The following DNAI3 variants were observed in gnomAD, a reference collection of about 807,000 sequenced individuals.
DNAI3 encodes dynein axonemal intermediate chain 3, also known as WD repeat domain 63.
Under a neutral mutation model 115.5 loss-of-function variants are expected in DNAI3, and 83 were observed. The observed-to-expected ratio is 0.72, with a 90% confidence interval of 0.60 to 0.86. DNAI3 has a LOEUF of 0.86. Among genes scored for constraint, DNAI3 ranks in the 40% least tolerant of loss-of-function variants. The pLI, the probability that DNAI3 is intolerant of heterozygous loss-of-function variation, is 0.00. For synonymous variants in DNAI3, 320 were observed against 347.0 expected (o/e 0.92, Z 0.86); for missense variants, 1,004 against 1,075.8 (o/e 0.93, Z 0.93).
chr1:85,115,804 A>G (rs1354951259), intron 16 of DNAI3, among the ~76,000 whole-genome samples: 11 of 152,230 alleles, frequency 7.2e-5, no homozygotes, highest in South Asian at 2.1e-4. Flanking sequence ...CTTCTGTGAG[A>G]ATGTAATGCT....
At chr1:85,104,695 G>A (rs1655433280) in intron 14 of DNAI3, 98 bp downstream of exon 14, 1 of 943,616 alleles carries the variant, frequency 1.1e-6, no homozygotes, top group South Asian at 1.5e-5. Flanking sequence ...TAATATTTAT[G>A]GTAGCAATTA....
At chr1:85,069,202 G>A (rs1179590614) in intron 1 of DNAI3, among the ~76,000 whole-genome samples, 1 of 152,090 alleles carries the variant, frequency 6.6e-6, no homozygotes, top group Non-Finnish European at 1.5e-5. Flanking sequence ...AATATGCCAG[G>A]CATGATCCTT....
chr1:85,114,461 C>T (rs1333869400), intron 16 of DNAI3, among the ~76,000 whole-genome samples: 2 of 152,086 alleles, frequency 1.3e-5, no homozygotes, highest in Non-Finnish European at 2.9e-5. Context: ...CTTTTCCAAT[C>T]TGGATGATTA....
In DNAI3 at chr1:85,085,964, A is replaced by G. The variant is rs773842850; in HGVS notation, c.674A>G (p.Gln225Arg). ...AYPDKNFTLK[Q>R]LEKDVGMQVI... ...CCAGATAAAAATTTTACCCTTAAAC[A>G]ACTTGAAAAAGATGTTGGCATGCAA... Residue 225 changes from glutamine (Q) to arginine (R), a missense_variant, in exon 7 of 23, where the codon CAA becomes CGA. Around this residue, in one of 3 missense-constraint regions of DNAI3, gnomAD observed 550 missense variants for 568.1 expected, o/e 0.97. Transcript: ENST00000294664. 3 of 1,614,180 alleles carry G rather than the reference A, an allele frequency of 1.9e-6. No homozygotes were observed. Among genetic ancestry groups the G allele is most frequent in the Non-Finnish European group, 2.5e-6 (3 of 1,180,016 alleles).
rs1474596627 is a variant in DNAI3 at position 85,094,575 on chromosome 1, T to C, written c.1173+20T>C. On this transcript the variant is annotated intron_variant, in intron 10 of 22. Transcript: ENST00000294664. Reference sequence around the variant, plus strand: ...CCTCAGGTAATTAGGGAGAGTTGCCTACATAGCCTAAATTTTCAAATACTA... The same window carrying C: ...CCTCAGGTAATTAGGGAGAGTTGCCCACATAGCCTAAATTTTCAAATACTA... The C allele has an allele frequency of 6.2e-7, 1 of 1,610,802 alleles. No homozygotes were observed. The highest frequency in any genetic ancestry group is 8.5e-7 in the Non-Finnish European group (1 of 1,178,716).
intron 15 of DNAI3, among the ~76,000 whole-genome samples, chr1:85,109,682 G>C (rs1207851968): frequency 6.6e-6 from 1 of 152,124 alleles, no homozygotes; most frequent in East Asian, 1.9e-4. Context: ...ACAACTTTCT[G>C]GGGTCTCATT....
chr1:85,097,712 A>T, intron 12 of DNAI3, 57 bp downstream of exon 12: 1 of 1,480,424 alleles, frequency 6.8e-7, no homozygotes, highest in Non-Finnish European at 9.2e-7. Context: ...GTTTATGGAA[A>T]AGTACATAAT....
chr1:85,078,091 C>G (rs1480433664), intron 3 of DNAI3, among the ~76,000 whole-genome samples: 2 of 152,156 alleles, frequency 1.3e-5, no homozygotes, highest in Non-Finnish European at 2.9e-5. Context: ...TATGGAACAT[C>G]ATCTCTGTTC....
chr1:85,064,374 G>A (rs573028751), intron 1 of DNAI3, among the ~76,000 whole-genome samples: 1 of 152,304 alleles, frequency 6.6e-6, no homozygotes, highest in East Asian at 1.9e-4. Flanking sequence ...TGGAAGGAAG[G>A]AAACAAGAGT....
chr1:85,078,175 TAGCATAGTTGAGTTCAG>T (rs1027253214), intron 3 of DNAI3, among the ~76,000 whole-genome samples: 1 of 152,030 alleles, frequency 6.6e-6, no homozygotes, highest in Non-Finnish European at 1.5e-5. Flanking sequence ...AGAGAAAGCA[TAGCATAGTTGAGTTCAG>T]GGATCTTGGT....
Position 85,088,807 on chromosome 1 carries a change from T to C in DNAI3, c.741-1309T>C, listed in dbSNP as rs1000229215. ...GTGACTCTTAGGCATGTTGCTACTT[T>C]GATAAAACCACCAAGCAATATATCA... On this transcript the variant is annotated intron_variant, in intron 7 of 22. Transcript: ENST00000294664. Among the ~76,000 whole-genome samples the C allele has an allele frequency of 5.3e-5, 8 of 152,254 alleles. 1 individual carries two copies. The highest frequency in any genetic ancestry group is 3.9e-4 in the Admixed American group (6 of 15,298).
rs930136467 is a variant in DNAI3, at chr1:85,080,054, T to C, written c.104-1180T>C. 1.5e-3 allele frequency among the ~76,000 whole-genome samples: 206 copies of C among 135,438 alleles called. 1 individual carries two copies. The highest frequency in any genetic ancestry group is 4.7e-3 in the African/African-American group (172 of 36,384). 88.9% of individuals were successfully genotyped at this position (135,438 alleles called of 152,430 possible). A position where few individuals can be genotyped will look rare whatever the true frequency, so the allele number is the denominator to read the frequency against. On this transcript the variant is annotated intron_variant, in intron 3 of 22. Transcript: ENST00000294664. ...CTTTTCTTTTTCTTTTTCTTTTTTT[T>C]TTTTTTTTTTTTTTTGAGACAGAGT... is the stretch of plus-strand genomic sequence containing the variant.
chr1:85,120,734 C>G (rs1655973353), intron 17 of DNAI3, among the ~76,000 whole-genome samples: 1 of 152,080 alleles, frequency 6.6e-6, no homozygotes, highest in Admixed American at 6.5e-5. Context: ...AAACATGTAC[C>G]CATCTGTCTG....
At chr1:85,097,209 T>C (rs1655151532) in intron 11 of DNAI3, among the ~76,000 whole-genome samples, 2 of 152,100 alleles carry the variant, frequency 1.3e-5, no homozygotes, top group East Asian at 1.9e-4. Context: ...TTCTGGAGTA[T>C]GGGCTGTTTT....
chr1:85,109,051 G>A (rs1016319181), intron 15 of DNAI3, among the ~76,000 whole-genome samples: 1 of 152,052 alleles, frequency 6.6e-6, no homozygotes, highest in African/African-American at 2.4e-5. Context: ...TACGTTTTTT[G>A]GGATATTAGA....
chr1:85,104,561 G>C lies in DNAI3; in HGVS notation c.1517G>C (p.Gly506Ala). ...GGCTCCGTCTTTGAGAATCGAAGTG[G>C]AATATGCTGTCAACTTGTCACATGT... Reference protein sequence around the residue: ...RMGSVFENRSGICCQLVTCSA... With the variant: ...RMGSVFENRSAICCQLVTCSA... Residue 506 changes from glycine (G) to alanine (A), a missense_variant, in exon 14 of 23, where the codon GGA becomes GCA. Around this residue, in one of 3 missense-constraint regions of DNAI3, gnomAD observed 25 missense variants for 53.4 expected, o/e 0.47. Coordinates refer to ENST00000294664, the MANE Select transcript of DNAI3 (RefSeq NM_145172.5). 6.2e-7 allele frequency: 1 copy of C among 1,613,948 alleles called. No individual in the cohort carries two copies. The highest frequency in any genetic ancestry group is 8.5e-7 in the Non-Finnish European group (1 of 1,179,890).
intron 3 of DNAI3, among the ~76,000 whole-genome samples, chr1:85,080,496 A>C (rs182258113): frequency 5.3e-5 from 8 of 152,156 alleles, no homozygotes; most frequent in African/African-American, 1.9e-4. Flanking sequence ...GGTGGTGCCC[A>C]TTTTGATTAG....
chr1:85,104,139 G>A (rs1356978246), intron 13 of DNAI3, among the ~76,000 whole-genome samples: 1 of 66,364 alleles, frequency 1.5e-5, no homozygotes, highest in Non-Finnish European at 3.0e-5. Flanking sequence ...TTTTTTTTTT[G>A]GGCTGGAGTC....
In DNAI3 at chr1:85,085,931, C is replaced by T; in HGVS notation, c.641C>T (p.Thr214Ile). Reference protein sequence around the residue: ...SSVKDAYIECTAYPDKNFTLK... With the variant: ...SSVKDAYIECIAYPDKNFTLK... ...GTAAAAGATGCCTATATTGAATGTA[C>T]AGCCTACCCAGATAAAAATTTTACC... The change falls in exon 7 of 23, where the codon ACA (threonine) becomes ATA (isoleucine). Residue 214 changes from threonine to isoleucine, a missense_variant. Around this residue, in one of 3 missense-constraint regions of DNAI3, gnomAD observed 550 missense variants for 568.1 expected, o/e 0.97. Transcript: ENST00000294664. 6.2e-7 allele frequency: 1 copy of T among 1,614,130 alleles called. No individual in the cohort carries two copies. Among genetic ancestry groups the T allele is most frequent in the Non-Finnish European group, 8.5e-7 (1 of 1,180,002 alleles).
Sources: allele counts gnomAD v4.1 joint callset (sites outside exome capture counted in the v4.1 genomes callset), GRCh38; gene constraint gnomAD v4.1.1; regional missense constraint gnomAD v4.1.1; transcripts MANE v1.5; gene names NCBI Gene and HGNC (gene_info 2026-07-23, HGNC 2026-07-21).